The following ACSM5 variants were observed in gnomAD, a reference collection of about 807,000 sequenced individuals.
The protein encoded by ACSM5 is acyl-CoA synthetase medium chain family member 5, also known as acyl-coenzyme A synthetase ACSM5, mitochondrial.
Under a neutral mutation model 71.6 loss-of-function variants are expected in ACSM5, and 56 were observed. The ratio of observed to expected loss-of-function variants is 0.78; its 90% CI spans 0.63 to 0.98. ACSM5 has a LOEUF of 0.98. Ranked by LOEUF, ACSM5 falls within the 50% of genes least tolerant of loss-of-function variation. The probability of loss-of-function intolerance (pLI) is 0.00; values close to 1 mark genes in which losing one functional copy is unlikely to be tolerated. For missense variants in ACSM5, 723 were observed against 726.0 expected (o/e 1.00, Z 0.05); for synonymous variants, 285 against 281.5 (o/e 1.01, Z -0.12).
intron 5 of ACSM5, among the ~76,000 whole-genome samples, chr16:20,421,615 C>CTATACA (rs1966882326): frequency 1.9e-5 from 2 of 105,832 alleles, no homozygotes; most frequent in African/African-American, 7.5e-5. Context: ...TAAATCGTGG[C>CTATACA]TATATATATA....
intron 6 of ACSM5, among the ~76,000 whole-genome samples, chr16:20,426,522 T>C (rs1314163565): frequency 6.6e-6 from 1 of 152,178 alleles, no homozygotes; most frequent in East Asian, 1.9e-4. Context: ...CATCCACAGA[T>C]GAATGAATAA....
Position 20,421,336 on chromosome 16 carries a change from CG to C in ACSM5, c.706del (p.Ala236ProfsTer26). 2 of 1,609,682 alleles carry C rather than the reference CG, an allele frequency of 1.2e-6. No individual in the cohort carries two copies. Among genetic ancestry groups the C allele is most frequent in the Non-Finnish European group, 1.7e-6 (2 of 1,177,788 alleles). On this transcript the variant is annotated frameshift_variant, in exon 5 of 14. Transcript: ENST00000331849. LOFTEE classifies it high-confidence loss of function. The stretch of plus-strand genomic sequence containing the variant: ...CCATCTACTTTACCAGCGGAACCAC[CG>C]GGGCCCCCAAGATGGTCGAGCACTC... ...LAIYFTSGTT[G>X]APKMVEHSQS...
At chr16:20,425,119 C>G (rs1203214995) in intron 6 of ACSM5, among the ~76,000 whole-genome samples, 4 of 152,162 alleles carry the variant, frequency 2.6e-5, no homozygotes, top group South Asian at 2.1e-4. Flanking sequence ...TACCAACTAA[C>G]CATCCCCACC....
At chr16:20,409,960 G>T (rs1239003318) in intron 1 of ACSM5, among the ~76,000 whole-genome samples, 1 of 151,996 alleles carries the variant, frequency 6.6e-6, no homozygotes, top group Non-Finnish European at 1.5e-5. Context: ...AAGTCTCTGA[G>T]GCTGCAGGCC....
chr16:20,411,762 G>A, intron 2 of ACSM5, 74 bp downstream of exon 2: 2 of 1,482,126 alleles, frequency 1.3e-6, no homozygotes, highest in South Asian at 1.2e-5. Flanking sequence ...GAGACTCAAG[G>A]CTCCAAGCAT....
At chr16:20,428,804 C>T (rs560570690) in intron 7 of ACSM5, among the ~76,000 whole-genome samples, 9 of 152,236 alleles carry the variant, frequency 5.9e-5, no homozygotes, top group Non-Finnish European at 1.3e-4. Context: ...GTAACTTAAT[C>T]AAGCCAATTT....
chr16:20,421,494 G>A, intron 5 of ACSM5, 93 bp downstream of exon 5: 4 of 1,239,392 alleles, frequency 3.2e-6, no homozygotes, highest in Non-Finnish European at 4.2e-6. Context: ...AGGAACGGAG[G>A]TCAGAGAGCC....
In ACSM5 at chr16:20,411,171, C is replaced by T. The variant is rs146061300; in HGVS notation, c.-15-299C>T. 3.9e-3 allele frequency among the ~76,000 whole-genome samples: 592 copies of T among 152,286 alleles called. 4 individuals are homozygous for T. The highest frequency in any genetic ancestry group is 6.3e-3 in the Non-Finnish European group (428 of 68,032). On this transcript the variant is annotated intron_variant, in intron 1 of 13. Coordinates refer to ENST00000331849, the MANE Select transcript of ACSM5 (RefSeq NM_017888.3). ...CTTTGCAAGGTCAGTTCAGGATTGG[C>T]CAAAGCCTTTTTGAGGGATTCCTTT...
chr16:20,424,203 C>T, intron 6 of ACSM5, 134 bp downstream of exon 6: 3 of 1,154,862 alleles, frequency 2.6e-6, no homozygotes, highest in Non-Finnish European at 3.6e-6. Flanking sequence ...CCCTGGCCTT[C>T]CATAATCTGG....
intron 9 of ACSM5, 33 bp from the exon 10 acceptor site, chr16:20,431,187 A>T (rs1255733339): frequency 1.2e-6 from 2 of 1,600,474 alleles, no homozygotes; most frequent in Non-Finnish European, 1.7e-6. Flanking sequence ...GTAGACACTC[A>T]CGTATGCACC....
chr16:20,440,010 G>A, intron 13 of ACSM5, 91 bp downstream of exon 13: 2 of 1,501,976 alleles, frequency 1.3e-6, no homozygotes, highest in East Asian at 2.3e-5. Flanking sequence ...CCCTGTGCCA[G>A]GCACTGGGGA....
In ACSM5 at chr16:20,429,537, G is replaced by A. The variant is rs578158347; in HGVS notation, c.1002-141G>A. 5.7e-5 allele frequency: 59 copies of A among 1,037,438 alleles called. No homozygotes were observed. The Admixed American group carries it at 1.1e-3, about 20-fold the overall frequency. 64.3% of individuals were successfully genotyped at this position (1,037,438 alleles called of 1,614,324 possible). ...AGGAGCATGGTTGCAAAGCCAGTGG[G>A]TGGACTCACTTAGAGAAGATTAAAA... On this transcript the variant is annotated intron_variant, in intron 7 of 13. Transcript: ENST00000331849.
chr16:20,423,110 G>A (rs991103894), intron 5 of ACSM5, among the ~76,000 whole-genome samples: 2 of 152,162 alleles, frequency 1.3e-5, no homozygotes, highest in African/African-American at 4.8e-5. Flanking sequence ...TTCATACCAT[G>A]AGATGGGATG....
At chr16:20,421,200 T>C (rs1443214531) in intron 4 of ACSM5, 58 bp from the exon 5 acceptor site, 1 of 1,494,926 alleles carries the variant, frequency 6.7e-7, no homozygotes, top group Non-Finnish European at 9.0e-7. Context: ...CACATATTAT[T>C]GGTGCTACTA....
Position 20,437,158 on chromosome 16 carries a change from A to C in ACSM5, c.1415A>C (p.Asp472Ala). The C allele has an allele frequency of 1.2e-6, 2 of 1,614,196 alleles. No individual in the cohort carries two copies. The highest frequency in any genetic ancestry group is 1.7e-6 in the Non-Finnish European group (2 of 1,180,018). ...DGYFWFMGRN[D>A]DVINSSSYRI... ...TACTTTTGGTTCATGGGAAGAAACG[A>C]CGATGTGATCAATTCTTCAAGGTCA... The change falls in exon 11 of 14, where the codon GAC (aspartate) becomes GCC (alanine). Residue 472 changes from aspartate (D) to alanine (A), a missense_variant. Asp to Ala is a moderately radical substitution (Grantham distance 126, BLOSUM62 -2). Transcript: ENST00000331849.
At chr16:20,431,468 A>G in intron 10 of ACSM5, 147 bp downstream of exon 10, 2 of 669,116 alleles carry the variant, frequency 3.0e-6, no homozygotes. Flanking sequence ...TGTTATTGAT[A>G]AGGAAGACTA....
chr16:20,417,304 A>C (rs1003637837), intron 2 of ACSM5, among the ~76,000 whole-genome samples: 1 of 152,230 alleles, frequency 6.6e-6, no homozygotes, highest in Non-Finnish European at 1.5e-5. Context: ...ACCAACCCTA[A>C]TGTCTATGAA....
chr16:20,437,216 T>G (rs1967219584), intron 11 of ACSM5, 37 bp downstream of exon 11: 1 of 1,614,114 alleles, frequency 6.2e-7, no homozygotes, highest in Admixed American at 1.7e-5. Flanking sequence ...CCTTTGAAAT[T>G]TCATGGGGGT....
Position 20,441,095 on chromosome 16 carries a change from G to T in ACSM5, c.*668G>T, listed in dbSNP as rs1967324150. 6.6e-6 allele frequency: 1 copy of T among 152,170 alleles called. No individual in the cohort carries two copies. Among genetic ancestry groups the T allele is most frequent in the Non-Finnish European group, 1.5e-5 (1 of 68,042 alleles). The allele number at this position is 152,170 out of a possible 1,614,324, so 9.4% of individuals were successfully genotyped here. On this transcript the variant is annotated 3_prime_UTR_variant, in exon 14 of 14. Transcript: ENST00000331849. ...AGCAGTTTAGTATGTCTTGGGAAAA[G>T]TGTAAGCTATATTAATTTTAAAAAT...
Sources: allele counts gnomAD v4.1 joint callset (sites outside exome capture counted in the v4.1 genomes callset), GRCh38; gene constraint gnomAD v4.1.1; transcripts MANE v1.5; gene names NCBI Gene and HGNC (gene_info 2026-07-23, HGNC 2026-07-21).